PALM3: variants seen among roughly 807,000 people sequenced by gnomAD.
The protein encoded by PALM3 is paralemmin-3.
Under a neutral mutation model 27.9 loss-of-function variants are expected in PALM3, and 20 were observed. The ratio of observed to expected loss-of-function variants is 0.72; its 90% CI spans 0.50 to 1.04. PALM3 has a LOEUF of 1.04. Among genes scored for constraint, PALM3 ranks in the 50% least tolerant of loss-of-function variants. The probability of loss-of-function intolerance (pLI) is 0.00; values close to 1 mark genes in which losing one functional copy is unlikely to be tolerated. For missense variants in PALM3, 814 were observed against 869.4 expected, an observed-to-expected ratio of 0.94 and a Z score of 0.80; for synonymous variants, 328 against 352.7, an observed-to-expected ratio of 0.93 and a Z score of 0.79.
At chr19:14,055,268 A>ACAGGGTTAAGATGGGACAAAAGGGAAGC in intron 6 of PALM3, 42 bp from the exon 7 acceptor site, 1 of 1,521,360 alleles carries the variant, frequency 6.6e-7, no homozygotes, top group Non-Finnish European at 8.8e-7. Context: ...AAAAGGGAAG[A>ACAGGGTTAAGATGGGACAAAAGGGAAGC]CAGGGTTAAG....
rs956062963 is a variant in PALM3 at position 14,054,940 on chromosome 19, C to G, written c.732G>C (p.Glu244Asp). 3.2e-6 allele frequency: 5 copies of G among 1,549,506 alleles called. No individual in the cohort carries two copies. Among genetic ancestry groups the G allele is most frequent in the Non-Finnish European group, 4.4e-6 (5 of 1,146,936 alleles). The change falls in exon 7 of 7, where the codon GAG becomes GAC. Residue 244 changes from glutamate (E) to aspartate (D), a missense_variant. Glu to Asp is a conservative substitution (Grantham distance 45). Transcript: ENST00000669674. ...SVVWEGLRAT[E>D]DCATGATGPE... is the part of the protein sequence containing the mutation. ...GGCCCGTGGCCCCTGTGGCACAGTC[C>G]TCTGTGGCCCTCAGCCCTTCCCACA...
In PALM3 at chr19:14,055,151, G is replaced by C. The variant is rs902239986; in HGVS notation, c.521C>G (p.Pro174Arg). ...VGTPPESPSE[P>R]REDVLGFLPG... ...CAGAAACCCCAAGACATCCTCCCTG[G>C]GCTCAGAGGGGGACTCTGGAGGCGT... Residue 174 changes from proline (P) to arginine (R), a missense_variant, in exon 7 of 7, where the codon CCC (proline) becomes CGC (arginine). Pro to Arg is a moderately radical substitution (Grantham distance 103). Coordinates refer to ENST00000669674, the MANE Select transcript of PALM3 (RefSeq NM_001145028.2). The C allele has an allele frequency of 4.5e-6, 7 of 1,548,998 alleles. No individual in the cohort carries two copies. The African/African-American group carries it at 5.6e-5, about 12-fold the overall frequency.
rs1313359787 is a variant in PALM3 at position 14,059,188 on chromosome 19, G to C, written c.42-25C>G. 5 of 1,442,052 alleles carry C rather than the reference G, an allele frequency of 3.5e-6. No individual in the cohort carries two copies. The South Asian group carries it at 5.8e-5, about 17-fold the overall frequency. The allele number at this position is 1,442,052 out of a possible 1,614,324, so 89.3% of individuals were successfully genotyped here. A position where few individuals can be genotyped will look rare whatever the true frequency, so the allele number is the denominator to read the frequency against. On this transcript the variant is annotated intron_variant, in intron 1 of 6. Coordinates refer to ENST00000669674, the MANE Select transcript of PALM3 (RefSeq NM_001145028.2). The stretch of plus-strand genomic sequence containing the variant: ...CCTGTTGGGAGAGGGCAGGGGCTTC[G>C]AGGGGCTCCCATCTTGAACGCCCCC...
At chr19:14,061,051 G>A (rs1051281643) in intron 1 of PALM3, among the ~76,000 whole-genome samples, 9 of 152,180 alleles carry the variant, frequency 5.9e-5, no homozygotes, top group African/African-American at 7.2e-5. Context: ...GTGAGCCACC[G>A]TGCCCGGCCA....
Position 14,053,821 on chromosome 19 carries a change from C to G in PALM3, c.1851G>C (p.Leu617Phe), listed in dbSNP as rs1204200000. The change falls in exon 7 of 7, where the codon TTG becomes TTC. Residue 617 changes from leucine to phenylalanine, a missense_variant. Leu to Phe is a conservative substitution (Grantham distance 22). Coordinates refer to ENST00000669674, the MANE Select transcript of PALM3 (RefSeq NM_001145028.2). ...CTGCCAGAAGAGGTGTGGCATCCCC[C>G]AAGGGGCCTTGGCCCTCAGCAGCGG... ...PQTAAEGQGP[L>F]GDATPLLAET... 1.9e-6 allele frequency: 3 copies of G among 1,549,598 alleles called. No homozygotes were observed. In the Admixed American group the frequency reaches 5.9e-5, roughly 31 times the overall value.
At chr19:14,060,575 G>T (rs1180681971) in intron 1 of PALM3, among the ~76,000 whole-genome samples, 1 of 152,078 alleles carries the variant, frequency 6.6e-6, no homozygotes, top group Non-Finnish European at 1.5e-5. Context: ...GAAAACTGAG[G>T]TTCTGAGAAG....
At chr19:14,057,149 A>G (rs1976319220) in intron 3 of PALM3, among the ~76,000 whole-genome samples, 1 of 152,032 alleles carries the variant, frequency 6.6e-6, no homozygotes, top group African/African-American at 2.4e-5. Flanking sequence ...AAATGGAACA[A>G]ATGTCCCCAT....
rs1473369884 is a variant in PALM3 at position 14,054,669 on chromosome 19, C to A, written c.1003G>T (p.Asp335Tyr). 4 of 1,551,328 alleles carry A rather than the reference C, an allele frequency of 2.6e-6. No individual in the cohort carries two copies. The highest frequency in any genetic ancestry group is 3.5e-6 in the Non-Finnish European group (4 of 1,146,752). ...LEAAASIEGE[D>Y]VPQGSPEGDG... ...CCCTCAGGGCTGCCCTGGGGCACAT[C>A]TTCCCCTTCTATGGAAGCTGCTGCC... The change falls in exon 7 of 7, where the codon GAT (aspartate) becomes TAT (tyrosine). Residue 335 changes from aspartate to tyrosine, a missense_variant. Coordinates refer to ENST00000669674, the MANE Select transcript of PALM3 (RefSeq NM_001145028.2).
At chr19:14,055,658 A>G (rs1413630846) in intron 5 of PALM3, among the ~76,000 whole-genome samples, 3 of 152,164 alleles carry the variant, frequency 2.0e-5, no homozygotes, top group Non-Finnish European at 4.4e-5. Context: ...GCCAATCTGT[A>G]TTAGGGGCCT....
Position 14,053,463 on chromosome 19 carries a change from T to G in PALM3, c.*142A>C. On this transcript the variant is annotated 3_prime_UTR_variant, in exon 7 of 7. Transcript: ENST00000669674. ...GGGCAAGGGGTCTGGAAGCCCAGGT[T>G]TAGGTGGACGTGCAGGCTAGCTGGC... 1 of 956,186 alleles carries G rather than the reference T, an allele frequency of 1.0e-6. No homozygotes were observed. Among genetic ancestry groups the G allele is most frequent in the Non-Finnish European group, 1.5e-6 (1 of 687,126 alleles). 59.2% of individuals were successfully genotyped at this position (956,186 alleles called of 1,614,324 possible).
At chr19:14,059,265 T>G (rs1599310493) in intron 1 of PALM3, 102 bp from the exon 2 acceptor site, 7 of 1,141,342 alleles carry the variant, frequency 6.1e-6, no homozygotes, top group Non-Finnish European at 8.2e-6. Context: ...GCCCAGCACT[T>G]TGCCTCTGTT....
chr19:14,056,216 T>C (rs1488646943), intron 5 of PALM3, among the ~76,000 whole-genome samples: 2 of 152,224 alleles, frequency 1.3e-5, no homozygotes, highest in East Asian at 3.8e-4. Context: ...GCCTATACTG[T>C]TGTTATTCCC....
rs756743502 is a variant in PALM3, at chr19:14,055,221, T to C, written c.451A>G (p.Thr151Ala). 1.3e-6 allele frequency: 2 copies of C among 1,485,840 alleles called. No homozygotes were observed. Among genetic ancestry groups the C allele is most frequent in the South Asian group, 2.6e-5 (2 of 78,430 alleles). The allele number at this position is 1,485,840 out of a possible 1,614,324, so 92.0% of individuals were successfully genotyped here. A position where few individuals can be genotyped will look rare whatever the true frequency, so the allele number is the denominator to read the frequency against. The change falls in exon 7 of 7, where the codon ACT becomes GCT. Residue 151 changes from threonine to alanine, a missense_variant. Physicochemically the swap from Thr to Ala is moderately conservative, Grantham distance 58 (BLOSUM62 0). Transcript: ENST00000669674. ...SIVEAGSVGQ[T>A]DLNKRASLPA... The stretch of plus-strand genomic sequence containing the variant: ...AGGGAGGCTCTCTTGTTCAGATCAG[T>C]CTGGCCTGGGGGAGTCAGAGGTGGA...
chr19:14,054,822 C>T lies in PALM3; in HGVS notation c.850G>A (p.Glu284Lys), dbSNP rs1976269605. Residue 284 changes from glutamate to lysine, a missense_variant, in exon 7 of 7, where the codon GAG becomes AAG. Physicochemically the swap from Glu to Lys is moderately conservative, Grantham distance 56. Coordinates refer to ENST00000669674, the MANE Select transcript of PALM3 (RefSeq NM_001145028.2). The stretch of plus-strand genomic sequence containing the variant: ...ACCACCTCCACGATGCCCCTGTCCT[C>T]CTTCACCCAGGCCGGGAGCTCCAGG... ...GSLELPAWVKEDRGIVEVVWE... is the reference protein window; with the variant it reads ...GSLELPAWVKKDRGIVEVVWE... 1 of 1,549,488 alleles carries T rather than the reference C, an allele frequency of 6.5e-7. No individual in the cohort carries two copies. Among genetic ancestry groups the T allele is most frequent in the African/African-American group, 1.4e-5 (1 of 73,002 alleles).
rs1976269913 is a variant in PALM3 at position 14,054,828 on chromosome 19, C to T, written c.844G>A (p.Val282Met). 1 of 1,549,212 alleles carries T rather than the reference C, an allele frequency of 6.5e-7. No individual in the cohort carries two copies. Among genetic ancestry groups the T allele is most frequent in the Non-Finnish European group, 8.7e-7 (1 of 1,145,854 alleles). Reference protein sequence around the residue: ...GAGSLELPAWVKEDRGIVEVV... With the variant: ...GAGSLELPAWMKEDRGIVEVV... ...TCCACGATGCCCCTGTCCTCCTTCACCCAGGCCGGGAGCTCCAGGCTACCA... is the reference window on the plus strand; with the variant it reads ...TCCACGATGCCCCTGTCCTCCTTCATCCAGGCCGGGAGCTCCAGGCTACCA... The change falls in exon 7 of 7, where the codon GTG becomes ATG. Residue 282 changes from valine (V) to methionine (M), a missense_variant. Physicochemically the swap from Val to Met is conservative, Grantham distance 21 (BLOSUM62 1). Coordinates refer to ENST00000669674, the MANE Select transcript of PALM3 (RefSeq NM_001145028.2).
intron 3 of PALM3, 118 bp from the exon 4 acceptor site, chr19:14,056,922 A>G: frequency 1.1e-6 from 1 of 943,964 alleles, no homozygotes; most frequent in Non-Finnish European, 1.5e-6. Context: ...ACCAGTTGCG[A>G]CATACATCAG....
In PALM3 at chr19:14,056,893, A is replaced by G. The variant is rs945623504; in HGVS notation, c.172-89T>C. ...CCCGACCTCTGCAGGCTGGGCAGGTATCTTATCACCACCTCACAACCAGTT... is the reference window on the plus strand; with the variant it reads ...CCCGACCTCTGCAGGCTGGGCAGGTGTCTTATCACCACCTCACAACCAGTT... On this transcript the variant is annotated intron_variant, in intron 3 of 6. Transcript: ENST00000669674. 1.0e-5 allele frequency: 14 copies of G among 1,344,824 alleles called. No homozygotes were observed. In the South Asian group the frequency reaches 2.1e-4, roughly 20 times the overall value. The allele number at this position is 1,344,824 out of a possible 1,614,324, so 83.3% of individuals were successfully genotyped here.
chr19:14,054,169 C>T lies in PALM3; in HGVS notation c.1503G>A (p.Leu501=). ...GAEEEEVEEP[L]GVEKKGGEEE... ...CCTCACCTCCTTTCTTCTCTACTCC[C>T]AATGGTTCTTCTACCTCCTCCTCCT... The change falls in exon 7 of 7, where the codon TTG becomes TTA. Residue 501 remains leucine (L), a synonymous_variant. Coordinates refer to ENST00000669674, the MANE Select transcript of PALM3 (RefSeq NM_001145028.2). 1.3e-6 allele frequency: 2 copies of T among 1,551,892 alleles called. No individual in the cohort carries two copies. Among genetic ancestry groups the T allele is most frequent in the South Asian group, 1.2e-5 (1 of 84,056 alleles).
rs577512513 is a variant in PALM3, at chr19:14,054,920, G to C, written c.752C>G (p.Thr251Arg). ...CACCTTAGCCTCCAGCTCGGGGCCC[G>C]TGGCCCCTGTGGCACAGTCCTCTGT... ...RATEDCATGA[T>R]GPELEAKVEE... The change falls in exon 7 of 7, where the codon ACG becomes AGG. Residue 251 changes from threonine to arginine, a missense_variant. Thr to Arg is a moderately conservative substitution (Grantham distance 71, BLOSUM62 -1). Coordinates refer to ENST00000669674, the MANE Select transcript of PALM3 (RefSeq NM_001145028.2). 6 of 1,548,954 alleles carry C rather than the reference G, an allele frequency of 3.9e-6. No individual in the cohort carries two copies. In the African/African-American group the frequency reaches 4.1e-5, roughly 11 times the overall value.
Sources: gnomAD v4.1 joint callset for allele counts (sites outside exome capture counted in the v4.1 genomes callset) on GRCh38, gnomAD v4.1.1 for gene constraint, MANE v1.5 for transcripts, NCBI Gene and HGNC (gene_info 2026-07-23, HGNC 2026-07-21) for gene names.